Variants in SLIT3 observed in about 807,000 individuals in gnomAD.
The protein encoded by SLIT3 is slit homolog 3 protein.
A neutral mutation model predicts 184.0 loss-of-function variants in SLIT3; 68 were observed. The ratio of observed to expected loss-of-function variants is 0.37; its 90% confidence interval spans 0.30 to 0.45. The LOEUF is 0.45. SLIT3 is among the 20% of genes least tolerant of loss of function. SLIT3 has a pLI of 1.00. For synonymous variants in SLIT3, 831 were observed against 828.6 expected (o/e 1.00, Z -0.05); for missense variants, 1,707 against 2,026.0 (o/e 0.84, Z 3.02).
intron 4 of SLIT3, among the ~76,000 whole-genome samples, chr5:169,075,139 C>T (rs749319038): frequency 6.6e-6 from 1 of 151,248 alleles, no homozygotes; most frequent in African/African-American, 2.4e-5. Context: ...TGATTCGTAA[C>T]CTGGGAGTGA....
chr5:169,160,454 A>G (rs1350496505), intron 4 of SLIT3, among the ~76,000 whole-genome samples: 1 of 152,184 alleles, frequency 6.6e-6, no homozygotes, highest in African/African-American at 2.4e-5. Flanking sequence ...CCTGGGTGAA[A>G]GGCTTCCTTT....
At chr5:168,925,632 T>C (rs116248494) in intron 4 of SLIT3, among the ~76,000 whole-genome samples, 1,730 of 151,266 alleles carry the variant, frequency 0.011, 28 homozygotes, top group African/African-American at 0.04. Flanking sequence ...ACAGTGGATA[T>C]TGAGTAAGGC....
intron 1 of SLIT3, among the ~76,000 whole-genome samples, chr5:169,262,141 C>A (rs1766213269): frequency 6.6e-6 from 1 of 152,128 alleles, no homozygotes; most frequent in Non-Finnish European, 1.5e-5. Context: ...AGGGCCGAGA[C>A]AAATGGAAGG....
chr5:169,060,062 T>C (rs1409257537), intron 4 of SLIT3, among the ~76,000 whole-genome samples: 1 of 152,216 alleles, frequency 6.6e-6, no homozygotes, highest in African/African-American at 2.4e-5. Flanking sequence ...CTGACCACAC[T>C]GGCATCCTGA....
At chr5:168,811,469 A>G (rs960353585) in intron 8 of SLIT3, among the ~76,000 whole-genome samples, 2 of 152,214 alleles carry the variant, frequency 1.3e-5, no homozygotes, top group African/African-American at 4.8e-5. Flanking sequence ...TGCTCTGCCA[A>G]AAGGAACCCC....
At chr5:169,290,666 G>A (rs1216493420) in intron 1 of SLIT3, among the ~76,000 whole-genome samples, 1 of 149,886 alleles carries the variant, frequency 6.7e-6, no homozygotes, top group Non-Finnish European at 1.5e-5. Context: ...ACGCACTAGG[G>A]CATACGCTAG....
At chr5:168,812,774 A>G (rs1757203427) in intron 8 of SLIT3, among the ~76,000 whole-genome samples, 1 of 152,174 alleles carries the variant, frequency 6.6e-6, no homozygotes, top group South Asian at 2.1e-4. Context: ...TAAAGCTAAT[A>G]ATCTCATTCC....
chr5:169,299,517 C>T (rs924042446), intron 1 of SLIT3, among the ~76,000 whole-genome samples: 1 of 152,144 alleles, frequency 6.6e-6, no homozygotes, highest in East Asian at 1.9e-4. Flanking sequence ...AGCAAACCCT[C>T]ACCCACTTCT....
Position 168,752,771 on chromosome 5 carries a change from G to A in SLIT3, c.1973+184C>T, listed in dbSNP as rs550117379. 180 of 595,604 alleles carry A rather than the reference G, an allele frequency of 3.0e-4. 1 individual carries two copies. In the Middle Eastern group the frequency reaches 3.2e-3, roughly 11 times the overall value. 36.9% of individuals were successfully genotyped at this position (595,604 alleles called of 1,614,324 possible). A position where few individuals can be genotyped will look rare whatever the true frequency, so the allele number is the denominator to read the frequency against. On this transcript the variant is annotated intron_variant, in intron 18 of 35. Coordinates refer to ENST00000519560, the MANE Select transcript of SLIT3 (RefSeq NM_003062.4). ...CTATGCTGTGAGTTCCAGGAAGGAG[G>A]GGCCGGGTGTGTGCAGCCTCAACAC...
Position 169,199,310 on chromosome 5 carries a change from C to T in SLIT3, c.342-5760G>A, listed in dbSNP as rs376578288. Among the ~76,000 whole-genome samples, 189 of 152,002 alleles carry T rather than the reference C, an allele frequency of 1.2e-3. 2 individuals are homozygous for T. The East Asian group carries it at 0.029, about 24-fold the overall frequency. Reference sequence around the variant, plus strand: ...GTAGGAGAGAGAAGTGAGGTATAATCGGCTGGGTTTTGTGACAGGATGTAC... The same window carrying T: ...GTAGGAGAGAGAAGTGAGGTATAATTGGCTGGGTTTTGTGACAGGATGTAC... On this transcript the variant is annotated intron_variant, in intron 3 of 35. Coordinates refer to ENST00000519560, the MANE Select transcript of SLIT3 (RefSeq NM_003062.4).
intron 16 of SLIT3, among the ~76,000 whole-genome samples, chr5:168,758,985 A>C (rs1755046815): frequency 6.6e-6 from 1 of 152,222 alleles, no homozygotes. Flanking sequence ...ATTATTAAAA[A>C]TATCACATAG....
chr5:168,875,931 G>A (rs886068238), intron 5 of SLIT3, among the ~76,000 whole-genome samples: 2 of 152,140 alleles, frequency 1.3e-5, no homozygotes, highest in African/African-American at 4.8e-5. Flanking sequence ...GACACTCTCA[G>A]TCAGGAATGC....
intron 3 of SLIT3, among the ~76,000 whole-genome samples, chr5:169,227,725 C>T (rs1764861710): frequency 6.6e-6 from 1 of 152,218 alleles, no homozygotes; most frequent in South Asian, 2.1e-4. Flanking sequence ...CGCGCCCAGA[C>T]CTTTCTCATT....
At chr5:168,892,332 C>T (rs886667656) in intron 4 of SLIT3, among the ~76,000 whole-genome samples, 1 of 152,204 alleles carries the variant, frequency 6.6e-6, no homozygotes, top group Non-Finnish European at 1.5e-5. Flanking sequence ...GGACTGGCCA[C>T]ATTCTGAGTG....
At chr5:168,739,611 C>T (rs562831116) in intron 20 of SLIT3, among the ~76,000 whole-genome samples, 9 of 152,152 alleles carry the variant, frequency 5.9e-5, no homozygotes, top group Admixed American at 4.6e-4. Flanking sequence ...CCCACAACCA[C>T]GTCTGGCAAA....
chr5:168,803,818 T>A (rs1324822902), intron 9 of SLIT3, among the ~76,000 whole-genome samples: 1 of 151,876 alleles, frequency 6.6e-6, no homozygotes, highest in Admixed American at 6.6e-5. Flanking sequence ...TGAAATGAGA[T>A]GAGGGCTGGC....
In SLIT3 at chr5:168,844,623, T is replaced by C. The variant is rs1758390893; in HGVS notation, c.518A>G (p.Glu173Gly). Reference protein sequence around the residue: ...QLDNNHISCIEDGAFRALRDL... With the variant: ...QLDNNHISCIGDGAFRALRDL... ...GCGCAGCGCTCGGAAGGCTCCATCT[T>C]CAATGCAGCTGATGTGGTTGTTGTC... Residue 173 changes from glutamate to glycine, a missense_variant, in exon 6 of 36, where the codon GAA (glutamate) becomes GGA (glycine). Transcript: ENST00000519560. 2.5e-6 allele frequency: 4 copies of C among 1,614,080 alleles called. No individual in the cohort carries two copies. The highest frequency in any genetic ancestry group is 1.3e-5 in the African/African-American group (1 of 74,940).
intron 4 of SLIT3, among the ~76,000 whole-genome samples, chr5:168,967,828 C>A (rs1055248450): frequency 1.3e-5 from 2 of 152,106 alleles, no homozygotes; most frequent in African/African-American, 4.8e-5. Context: ...CCTTCATCTG[C>A]AGGAAGAATA....
At chr5:168,905,518 T>C (rs942015943) in intron 4 of SLIT3, among the ~76,000 whole-genome samples, 1 of 152,248 alleles carries the variant, frequency 6.6e-6, no homozygotes, top group African/African-American at 2.4e-5. Flanking sequence ...GACTATAAAA[T>C]ATGAGGAGTC....
Sources: allele counts gnomAD v4.1 joint callset (sites outside exome capture counted in the v4.1 genomes callset), GRCh38; gene constraint gnomAD v4.1.1; transcripts MANE v1.5; gene names NCBI Gene and HGNC (gene_info 2026-07-23, HGNC 2026-07-21).